BLTP3A: variants seen among roughly 807,000 people sequenced by gnomAD.
BLTP3A encodes bridge-like lipid transfer protein family member 3A, also known as ICBP90 binding protein 1.
At chr6:34,871,653 G>A in the BLTP3A span, 2 of 1,614,184 alleles carry the variant, frequency 1.2e-6, no homozygotes. Flanking sequence ...GGAACATGTT[G>A]TGCTGAAGAG....
chr6:34,817,263 G>A, the BLTP3A span, among the ~76,000 whole-genome samples: 2 of 152,190 alleles, frequency 1.3e-5, no homozygotes, highest in African/African-American at 2.4e-5. Context: ...TTCCGGAAGA[G>A]AAATAATCAC....
the BLTP3A span, among the ~76,000 whole-genome samples, chr6:34,824,131 CTG>C: frequency 2.7e-5 from 4 of 150,928 alleles, no homozygotes; most frequent in African/African-American, 9.7e-5. Flanking sequence ...TTGGTAGAGA[CTG>C]TTTCACCATG....
chr6:34,855,721 T>A, the BLTP3A span: 1 of 1,613,102 alleles, frequency 6.2e-7, no homozygotes, highest in Non-Finnish European at 8.5e-7. Flanking sequence ...AAACTCTGAA[T>A]GGGGCCAATT....
At chr6:34,823,731 C>T in the BLTP3A span, among the ~76,000 whole-genome samples, 1 of 150,746 alleles carries the variant, frequency 6.6e-6, no homozygotes, top group Non-Finnish European at 1.5e-5. Flanking sequence ...GATGGTGTCT[C>T]ACTATGTTGC....
At chr6:34,802,955 C>G in the BLTP3A span, among the ~76,000 whole-genome samples, 2 of 152,034 alleles carry the variant, frequency 1.3e-5, no homozygotes, top group African/African-American at 4.8e-5. Context: ...GTGGACAGAT[C>G]GCTTGAGCTC....
the BLTP3A span, chr6:34,821,619 G>A: frequency 8.5e-4 from 1,334 of 1,561,430 alleles, 3 homozygotes; most frequent in Non-Finnish European, 8.8e-4. Flanking sequence ...AGATTCCCAT[G>A]GAAATAATAG....
the BLTP3A span, chr6:34,855,631 A>G: frequency 6.2e-7 from 1 of 1,613,698 alleles, no homozygotes; most frequent in Non-Finnish European, 8.5e-7. Flanking sequence ...CTCTGCCAAC[A>G]GACTCATGGG....
the BLTP3A span, among the ~76,000 whole-genome samples, chr6:34,854,407 A>G: frequency 1.3e-5 from 2 of 152,130 alleles, no homozygotes; most frequent in Non-Finnish European, 2.9e-5. Flanking sequence ...TTTTGAAGTT[A>G]AATATTGATA....
At chr6:34,867,208 T>A in the BLTP3A span, 1 of 1,594,074 alleles carries the variant, frequency 6.3e-7, no homozygotes, top group Non-Finnish European at 8.5e-7. Context: ...AATTCATTTG[T>A]CCTCTTTTTC....
chr6:34,867,236 G>C, the BLTP3A span: 1 of 1,612,518 alleles, frequency 6.2e-7, no homozygotes, highest in African/African-American at 1.3e-5. Context: ...GTCTGGTCCA[G>C]AATCTGTTCC....
chr6:34,807,760 C>G, the BLTP3A span, among the ~76,000 whole-genome samples: 1 of 152,190 alleles, frequency 6.6e-6, no homozygotes, highest in Non-Finnish European at 1.5e-5. Context: ...AAAATGTAGG[C>G]TGGGTGCGGT....
the BLTP3A span, among the ~76,000 whole-genome samples, chr6:34,831,498 T>C: frequency 6.6e-6 from 1 of 152,206 alleles, no homozygotes. Flanking sequence ...ATCTTTTTTT[T>C]CCACTTAATG....
At chr6:34,852,220 G>T in the BLTP3A span, among the ~76,000 whole-genome samples, 1 of 152,070 alleles carries the variant, frequency 6.6e-6, no homozygotes, top group Non-Finnish European at 1.5e-5. Context: ...CCACAGGTAA[G>T]AGTGCACTGG....
the BLTP3A span, among the ~76,000 whole-genome samples, chr6:34,830,877 T>A: frequency 6.6e-6 from 1 of 152,196 alleles, no homozygotes; most frequent in Non-Finnish European, 1.5e-5. Flanking sequence ...TTCATTTTAA[T>A]CATCCTGGTG....
chr6:34,877,179 CTG>C, the BLTP3A span: 3 of 152,656 alleles, frequency 2.0e-5, no homozygotes, highest in African/African-American at 7.2e-5. Flanking sequence ...GTTTCCCCCA[CTG>C]AGGGTGCTAA....
At chr6:34,872,459 G>T in the BLTP3A span, 6 of 1,597,058 alleles carry the variant, frequency 3.8e-6, no homozygotes, top group Non-Finnish European at 5.1e-6. Flanking sequence ...TCAGCCATCT[G>T]TGCCAAGGAG....
the BLTP3A span, chr6:34,871,159 G>A: frequency 3.2e-6 from 5 of 1,579,594 alleles, no homozygotes; most frequent in Non-Finnish European, 4.3e-6. Context: ...GGGCACATTG[G>A]TTTTTGCCCT....
At chr6:34,858,221 A>G in the BLTP3A span, 3 of 1,613,988 alleles carry the variant, frequency 1.9e-6, no homozygotes, top group Non-Finnish European at 2.5e-6. Context: ...AATACACGTC[A>G]TGCTCCACAT....
chr6:34,835,181 C>A, the BLTP3A span: 1 of 1,168,480 alleles, frequency 8.6e-7, no homozygotes, highest in Non-Finnish European at 1.2e-6. Context: ...GTGCTTGATA[C>A]TTTCACATAT....
Sources: gnomAD v4.1 joint callset for allele counts (sites outside exome capture counted in the v4.1 genomes callset) on GRCh38, gnomAD v4.1.1 for gene constraint, MANE v1.5 for transcripts, NCBI Gene and HGNC (gene_info 2026-07-23, HGNC 2026-07-21) for gene names.